Variants in OR10A6 observed in about 807,000 individuals in gnomAD.
The protein encoded by OR10A6 is olfactory receptor 10A6.
In OR10A6, 2 loss-of-function variants were observed where a neutral mutation model predicts 1.5. That is an observed-to-expected ratio of 1.31 (90% confidence interval 0.54 to 4.13). The LOEUF (loss-of-function observed/expected upper bound fraction) is 4.13. OR10A6 is among the 30% of genes most tolerant of loss of function. The pLI is 0.07. For synonymous variants in OR10A6, 169 were observed against 137.3 expected, an observed-to-expected ratio of 1.23 and a Z score of -1.61; for missense variants, 492 against 368.6, an observed-to-expected ratio of 1.33 and a Z score of -2.74.
rs1289108102 is a variant in OR10A6, at chr11:7,929,966, G to GTGTATATA, written c.-1305_-1304insTATATACA. ...TCTAGTAAGGTATGTGTATGTGTAT[G>GTGTATATA]TATATATATATATATATATATATAT... On this transcript the variant is annotated 5_prime_UTR_variant, in exon 4 of 4. Transcript: ENST00000641238. 253 of 57,212 alleles carry GTGTATATA rather than the reference G, an allele frequency of 4.4e-3. 8 individuals are homozygous for GTGTATATA. Among genetic ancestry groups the GTGTATATA allele is most frequent in the African/African-American group, 0.017 (239 of 14,230 alleles). The allele number at this position is 57,212 out of a possible 1,614,324, so 3.5% of individuals were successfully genotyped here. A position where few individuals can be genotyped will look rare whatever the true frequency, so the allele number is the denominator to read the frequency against.
At position 7,927,907 on chromosome 11, in the gene OR10A6, A is replaced by G. The variant is rs1589978575; in HGVS notation, c.756T>C (p.Tyr252=). ...GTAAATAAGTCATACTGGCTGTGCC[A>G]TAGAATAGGGTCACAGATGTGAGGT... ...AAHLTSVTLF[Y]GTASMTYLQP... Residue 252 remains tyrosine, a synonymous_variant, in exon 4 of 4, where the codon TAT becomes TAC. Coordinates refer to ENST00000641238, the MANE Select transcript of OR10A6 (RefSeq NM_001004461.2). 6.2e-7 allele frequency: 1 copy of G among 1,614,018 alleles called. No individual in the cohort carries two copies. Among genetic ancestry groups the G allele is most frequent in the Non-Finnish European group, 8.5e-7 (1 of 1,179,990 alleles).
At position 7,927,558 on chromosome 11, in the gene OR10A6, T is replaced by C; in HGVS notation, c.*160A>G. 1 of 539,658 alleles carries C rather than the reference T, an allele frequency of 1.9e-6. No individual in the cohort carries two copies. The highest frequency in any genetic ancestry group is 3.4e-5 in the South Asian group (1 of 29,460). 33.4% of individuals were successfully genotyped at this position (539,658 alleles called of 1,614,324 possible). Reference sequence around the variant, plus strand: ...GCACTGGTGAAAAAACTAAAAACATTAACATATAAAGATGCTCCTGATATA... The same window carrying C: ...GCACTGGTGAAAAAACTAAAAACATCAACATATAAAGATGCTCCTGATATA... On this transcript the variant is annotated 3_prime_UTR_variant, in exon 4 of 4. Transcript: ENST00000641238.
chr11:7,928,775 G>C lies in OR10A6; in HGVS notation c.-113C>G. The stretch of plus-strand genomic sequence containing the variant: ...ATTCACCCCAGAAATTCTGGCAGAA[G>C]ATGAGGAGCCTATCCTGACAGAAAT... On this transcript the variant is annotated 5_prime_UTR_variant, in exon 4 of 4. It adds an upstream start codon to the 5' untranslated region. Transcript: ENST00000641238. 1.5e-6 allele frequency: 1 copy of C among 652,916 alleles called. No homozygotes were observed. Among genetic ancestry groups the C allele is most frequent in the African/African-American group, 1.9e-5 (1 of 53,288 alleles). The allele number at this position is 652,916 out of a possible 1,614,324, so 40.4% of individuals were successfully genotyped here.
In OR10A6 at chr11:7,927,550, A is replaced by G; in HGVS notation, c.*168T>C. On this transcript the variant is annotated 3_prime_UTR_variant, in exon 4 of 4. Coordinates refer to ENST00000641238, the MANE Select transcript of OR10A6 (RefSeq NM_001004461.2). The stretch of plus-strand genomic sequence containing the variant: ...AATATTATGCACTGGTGAAAAAACT[A>G]AAAACATTAACATATAAAGATGCTC... The G allele has an allele frequency of 1.9e-6, 1 of 531,484 alleles. No homozygotes were observed. The allele number at this position is 531,484 out of a possible 1,614,324, so 32.9% of individuals were successfully genotyped here.
At position 7,926,302 on chromosome 11, in the gene OR10A6, C is replaced by G. The variant is rs1329585398; in HGVS notation, c.*1416G>C. On this transcript the variant is annotated 3_prime_UTR_variant, in exon 4 of 4. Transcript: ENST00000641238. ...CTTCAATGCCCAGCATATCCTCATT[C>G]TTCTTGGGTGTGGTACAAAAGCTTG... 2 of 152,258 alleles carry G rather than the reference C, an allele frequency of 1.3e-5. No individual in the cohort carries two copies. Among genetic ancestry groups the G allele is most frequent in the Non-Finnish European group, 1.5e-5 (1 of 68,108 alleles). The allele number at this position is 152,258 out of a possible 1,614,324, so 9.4% of individuals were successfully genotyped here. A position where few individuals can be genotyped will look rare whatever the true frequency, so the allele number is the denominator to read the frequency against.
At position 7,926,178 on chromosome 11, in the gene OR10A6, G is replaced by A. The variant is rs1309935064; in HGVS notation, c.*1540C>T. 8.5e-5 allele frequency: 13 copies of A among 152,330 alleles called. No individual in the cohort carries two copies. The highest frequency in any genetic ancestry group is 8.5e-4 in the Admixed American group (13 of 15,274). The allele number at this position is 152,330 out of a possible 1,614,324, so 9.4% of individuals were successfully genotyped here. Reference sequence around the variant, plus strand: ...GGTCCTGGACCCAGCCACCATGGTGGGGCTTTCCTGCCTTCCAGTAGGGGA... The same window carrying A: ...GGTCCTGGACCCAGCCACCATGGTGAGGCTTTCCTGCCTTCCAGTAGGGGA... On this transcript the variant is annotated 3_prime_UTR_variant, in exon 4 of 4. Coordinates refer to ENST00000641238, the MANE Select transcript of OR10A6 (RefSeq NM_001004461.2).
At position 7,928,419 on chromosome 11, in the gene OR10A6, G is replaced by A; in HGVS notation, c.244C>T (p.Leu82=). The A allele has an allele frequency of 6.2e-7, 1 of 1,613,802 alleles. No homozygotes were observed. Among genetic ancestry groups the A allele is most frequent in the Non-Finnish European group, 8.5e-7 (1 of 1,179,858 alleles). The change falls in exon 4 of 4, where the codon CTG becomes TTG. Residue 82 remains leucine, a synonymous_variant. Coordinates refer to ENST00000641238, the MANE Select transcript of OR10A6 (RefSeq NM_001004461.2). ...GTTTTTTCAGTAGAGAGGACCACCA[G>A]CATTTCAGGCATAATAACTGCACTG... is the stretch of plus-strand genomic sequence containing the variant. ...SFSAVIMPEM[L]VVLSTEKTTI... is the part of the protein sequence containing the mutation.
chr11:7,927,990 T>C lies in OR10A6; in HGVS notation c.673A>G (p.Ile225Val). 5 of 1,613,890 alleles carry C rather than the reference T, an allele frequency of 3.1e-6. No individual in the cohort carries two copies. Among genetic ancestry groups the C allele is most frequent in the Non-Finnish European group, 4.2e-6 (5 of 1,179,980 alleles). ...LLSYIRVLFA[I>V]LKMPSTTGRQ... ...CCAGTGGTTGATGGCATCTTCAGGA[T>C]GGCAAACAGAACTCGAATGTAAGAC... The change falls in exon 4 of 4, where the codon ATC becomes GTC. Residue 225 changes from isoleucine to valine, a missense_variant. Ile to Val is a conservative substitution (Grantham distance 29). Coordinates refer to ENST00000641238, the MANE Select transcript of OR10A6 (RefSeq NM_001004461.2).
At position 7,928,247 on chromosome 11, in the gene OR10A6, C is replaced by G. The variant is rs1859455517; in HGVS notation, c.416G>C (p.Gly139Ala). Reference protein sequence around the residue: ...PLNYQMIMNKGVFMKLIIFSW... With the variant: ...PLNYQMIMNKAVFMKLIIFSW... ...AAATATAATTAATTTCATAAAAACT[C>G]CTTTATTCATAATCATTTGGTAGTT... Residue 139 changes from glycine to alanine, a missense_variant, in exon 4 of 4, where the codon GGA becomes GCA. Transcript: ENST00000641238. The G allele has an allele frequency of 1.2e-6, 2 of 1,613,082 alleles. No individual in the cohort carries two copies. The highest frequency in any genetic ancestry group is 1.7e-6 in the Non-Finnish European group (2 of 1,179,524).
rs972639388 is a variant in OR10A6 at position 7,927,245 on chromosome 11, A to C, written c.*473T>G. On this transcript the variant is annotated 3_prime_UTR_variant, in exon 4 of 4. Transcript: ENST00000641238. ...CGTTATTGTAGGCTTCTTGGCATAC[A>C]ACATAGTAGAGGGATAGGATGGGTG... The C allele has an allele frequency of 6.5e-6, 1 of 152,826 alleles. No homozygotes were observed. The highest frequency in any genetic ancestry group is 1.9e-4 in the East Asian group (1 of 5,204). 9.5% of individuals were successfully genotyped at this position (152,826 alleles called of 1,614,324 possible).
intron 3 of OR10A6, 148 bp downstream of exon 3, chr11:7,930,713 G>T (rs1859518422): frequency 6.6e-6 from 1 of 152,074 alleles, no homozygotes; most frequent in Non-Finnish European, 1.5e-5. Context: ...GCAAAAAAAA[G>T]AACAACATGT....
Position 7,929,962 on chromosome 11 carries a change from G to GTATATATATATA in OR10A6, c.-1301_-1300insTATATATATATA, listed in dbSNP as rs1204097102. 250 of 24,742 alleles carry GTATATATATATA rather than the reference G, an allele frequency of 0.01. 7 individuals carry two copies. Among genetic ancestry groups the GTATATATATATA allele is most frequent in the South Asian group, 0.043 (20 of 460 alleles). The allele number at this position is 24,742 out of a possible 1,614,324, so 1.5% of individuals were successfully genotyped here. On this transcript the variant is annotated 5_prime_UTR_variant, in exon 4 of 4. Transcript: ENST00000641238. ...AAGCTCTAGTAAGGTATGTGTATGTGTATGTATATATATATATATATATAT... is the reference window on the plus strand; with the variant it reads ...AAGCTCTAGTAAGGTATGTGTATGTGTATATATATATATATGTATATATATATATATATATAT...
rs542908222 is a variant in OR10A6 at position 7,927,781 on chromosome 11, A to G, written c.882T>C (p.Asn294=). The change falls in exon 4 of 4, where the codon AAT becomes AAC. Residue 294 remains asparagine, a synonymous_variant. Transcript: ENST00000641238. ...LLNLLIYSLR[N]SEMKRALMKL... is the part of the protein sequence containing the mutation. ...TCATCAAAGCCCTCTTCATCTCACT[A>G]TTTCGCAAACTGTAGATAAGCAGAT... is the stretch of plus-strand genomic sequence containing the variant. The G allele has an allele frequency of 5.0e-6, 8 of 1,613,912 alleles. No homozygotes were observed. In the East Asian group the frequency reaches 6.7e-5, roughly 13 times the overall value.
Position 7,929,962 on chromosome 11 carries a change from G to GTATATATATATATATATATATATATA in OR10A6, c.-1301_-1300insTATATATATATATATATATATATATA, listed in dbSNP as rs1204097102. 9.7e-4 allele frequency: 24 copies of GTATATATATATATATATATATATATA among 24,802 alleles called. 2 individuals are homozygous for GTATATATATATATATATATATATATA. The highest frequency in any genetic ancestry group is 2.3e-3 in the African/African-American group (13 of 5,750). The allele number at this position is 24,802 out of a possible 1,614,324, so 1.5% of individuals were successfully genotyped here. A position where few individuals can be genotyped will look rare whatever the true frequency, so the allele number is the denominator to read the frequency against. On this transcript the variant is annotated 5_prime_UTR_variant, in exon 4 of 4. Coordinates refer to ENST00000641238, the MANE Select transcript of OR10A6 (RefSeq NM_001004461.2). ...AAGCTCTAGTAAGGTATGTGTATGT[G>GTATATATATATATATATATATATATA]TATGTATATATATATATATATATAT...
Position 7,924,702 on chromosome 11 carries a change from G to A in OR10A6, c.*3016C>T, listed in dbSNP as rs1407836856. On this transcript the variant is annotated 3_prime_UTR_variant, in exon 4 of 4. Coordinates refer to ENST00000641238, the MANE Select transcript of OR10A6 (RefSeq NM_001004461.2). ...GTAAACAAATAGGCAGGAGAGGAAT[G>A]ATAAGGTCACTACGCAATGCCGTCA... 1 of 152,110 alleles carries A rather than the reference G, an allele frequency of 6.6e-6. No individual in the cohort carries two copies. The highest frequency in any genetic ancestry group is 1.5e-5 in the Non-Finnish European group (1 of 68,028). 9.4% of individuals were successfully genotyped at this position (152,110 alleles called of 1,614,324 possible).
chr11:7,930,086 C>T lies in OR10A6; in HGVS notation c.-1424G>A, dbSNP rs1239277812. On this transcript the variant is annotated 5_prime_UTR_variant, in exon 4 of 4. Coordinates refer to ENST00000641238, the MANE Select transcript of OR10A6 (RefSeq NM_001004461.2). ...CTGCCTACACTACAACCCTCCCTGG[C>T]TCATAATAGGTTTTAAACCAACATT... The T allele has an allele frequency of 6.8e-6, 1 of 147,524 alleles. No homozygotes were observed. The highest frequency in any genetic ancestry group is 1.5e-5 in the Non-Finnish European group (1 of 67,286). 9.1% of individuals were successfully genotyped at this position (147,524 alleles called of 1,614,324 possible). A position where few individuals can be genotyped will look rare whatever the true frequency, so the allele number is the denominator to read the frequency against.
In OR10A6 at chr11:7,925,545, T is replaced by C. The variant is rs1294181498; in HGVS notation, c.*2173A>G. On this transcript the variant is annotated 3_prime_UTR_variant, in exon 4 of 4. Coordinates refer to ENST00000641238, the MANE Select transcript of OR10A6 (RefSeq NM_001004461.2). ...AGAGCAGAGACTATTTCATTAGATTTAGCTCTCTTAAGACATTTTTATAAA... is the reference window on the plus strand; with the variant it reads ...AGAGCAGAGACTATTTCATTAGATTCAGCTCTCTTAAGACATTTTTATAAA... 3 of 151,518 alleles carry C rather than the reference T, an allele frequency of 2.0e-5. No individual in the cohort carries two copies. Among genetic ancestry groups the C allele is most frequent in the Admixed American group, 6.6e-5 (1 of 15,124 alleles). 9.4% of individuals were successfully genotyped at this position (151,518 alleles called of 1,614,324 possible).
Position 7,928,487 on chromosome 11 carries a change from A to T in OR10A6, c.176T>A (p.Met59Lys), listed in dbSNP as rs757469511. Residue 59 changes from methionine to lysine, a missense_variant, in exon 4 of 4, where the codon ATG (methionine) becomes AAG (lysine). Met to Lys is a moderately conservative substitution (Grantham distance 95, BLOSUM62 -1). Transcript: ENST00000641238. Reference protein sequence around the residue: ...VSLDQSLHVPMYLFLLNLSVV... With the variant: ...VSLDQSLHVPKYLFLLNLSVV... ...AGATAAGTTCAGGAGAAACAGGTAC[A>T]TGGGAACGTGGAGGCTCTGGTCTAG... 1.2e-5 allele frequency: 20 copies of T among 1,613,860 alleles called. No individual in the cohort carries two copies. The highest frequency in any genetic ancestry group is 3.3e-4 in the Middle Eastern group (2 of 6,078).
In OR10A6 at chr11:7,928,252, AT is replaced by A; in HGVS notation, c.410del (p.Asn137IlefsTer6). The A allele has an allele frequency of 1.2e-6, 2 of 1,613,358 alleles. No homozygotes were observed. The highest frequency in any genetic ancestry group is 1.7e-6 in the Non-Finnish European group (2 of 1,179,608). On this transcript the variant is annotated frameshift_variant, in exon 4 of 4. Transcript: ENST00000641238. LOFTEE classifies it low-confidence loss of function (END_TRUNC). Reference protein sequence around the residue: ...CHPLNYQMIMNKGVFMKLIIF... With the variant: ...CHPLNYQMIMXKGVFMKLIIF... ...TAATTAATTTCATAAAAACTCCTTT[AT>A]TCATAATCATTTGGTAGTTGAGAGG...
Sources: gnomAD v4.1 joint callset for allele counts on GRCh38, gnomAD v4.1.1 for gene constraint, MANE v1.5 for transcripts, NCBI Gene and HGNC (gene_info 2026-07-23, HGNC 2026-07-21) for gene names.